The following ANKRD12 variants were observed in gnomAD, a reference collection of about 807,000 sequenced individuals.
ANKRD12 encodes the protein ankyrin repeat domain 12, also known as ankyrin repeat domain-containing protein 12.
A neutral mutation model predicts 183.4 loss-of-function variants in ANKRD12; 85 were observed. The ratio of observed to expected loss-of-function variants is 0.46; its 90% CI spans 0.39 to 0.56. ANKRD12 has a LOEUF of 0.56. ANKRD12 is among the 20% of genes least tolerant of loss of function. The pLI is 0.00. For missense variants in ANKRD12, 2,405 were observed against 2,357.1 expected (o/e 1.02, Z -0.42); for synonymous variants, 914 against 800.2 (o/e 1.14, Z -2.40).
At chr18:9,181,305 C>T (rs2033683088) in intron 1 of ANKRD12, among the ~76,000 whole-genome samples, 1 of 152,086 alleles carries the variant, frequency 6.6e-6, no homozygotes, top group Non-Finnish European at 1.5e-5. Flanking sequence ...TCTATCAAAA[C>T]AAAAGAAATT....
chr18:9,253,569 TTATC>T (rs2038423404), intron 8 of ANKRD12, among the ~76,000 whole-genome samples: 2 of 152,248 alleles, frequency 1.3e-5, no homozygotes, highest in East Asian at 1.9e-4. Context: ...CACATTTTCT[TTATC>T]CATTCATCTG....
chr18:9,185,159 AG>A (rs1282222146), intron 2 of ANKRD12, among the ~76,000 whole-genome samples: 2 of 152,212 alleles, frequency 1.3e-5, no homozygotes, highest in African/African-American at 4.8e-5. Context: ...TGAAGGATGG[AG>A]GATAGGAGGT....
In ANKRD12 at chr18:9,256,620, T is replaced by G. The variant is rs1567977020; in HGVS notation, c.3353T>G (p.Leu1118Arg). 2.5e-6 allele frequency: 4 copies of G among 1,604,478 alleles called. No individual in the cohort carries two copies. Among genetic ancestry groups the G allele is most frequent in the Non-Finnish European group, 3.4e-6 (4 of 1,177,746 alleles). ...TTGAGAAACCGAAACTGTTTAGAAC[T>G]TAAAATAAAAGATAAAGAAAAAACA... ...ERLRNRNCLE[L>R]KIKDKEKTKH... The change falls in exon 9 of 13, where the codon CTT becomes CGT. Residue 1118 changes from leucine (L) to arginine (R), a missense_variant. Physicochemically the swap from Leu to Arg is moderately radical, Grantham distance 102. Transcript: ENST00000262126.
intron 3 of ANKRD12, chr18:9,200,484 ACCTTTT>A (rs1320349798): frequency 6.6e-6 from 1 of 152,174 alleles, no homozygotes; most frequent in African/African-American, 2.4e-5. Flanking sequence ...ACTAATTTTT[ACCTTTT>A]CCTTTTATTC....
At chr18:9,245,222 G>A (rs1485079749) in intron 8 of ANKRD12, among the ~76,000 whole-genome samples, 2 of 151,902 alleles carry the variant, frequency 1.3e-5, no homozygotes, top group Non-Finnish European at 1.5e-5. Context: ...GGCCAAAGCA[G>A]GCAGATTACT....
At chr18:9,175,620 C>G (rs2033202066) in intron 1 of ANKRD12, among the ~76,000 whole-genome samples, 1 of 135,600 alleles carries the variant, frequency 7.4e-6, no homozygotes, top group African/African-American at 2.8e-5. Context: ...TTCTGCCTTG[C>G]TGGTTCAAGC....
chr18:9,236,644 G>A (rs544479265), intron 8 of ANKRD12, among the ~76,000 whole-genome samples: 2 of 86,116 alleles, frequency 2.3e-5, no homozygotes, highest in South Asian at 5.2e-4. Flanking sequence ...TCCAGGAGAC[G>A]TAACAGAACT....
intron 1 of ANKRD12, among the ~76,000 whole-genome samples, chr18:9,160,292 AT>A (rs202119616): frequency 6.6e-6 from 1 of 151,826 alleles, no homozygotes; most frequent in Non-Finnish European, 1.5e-5. Flanking sequence ...TTAAAAAACA[AT>A]TTTTTTAGAG....
intron 6 of ANKRD12, among the ~76,000 whole-genome samples, chr18:9,214,637 C>T (rs1459006042): frequency 1.3e-5 from 2 of 151,918 alleles, no homozygotes; most frequent in Non-Finnish European, 2.9e-5. Context: ...TAGAAGTGCT[C>T]CTAAGAAACA....
At chr18:9,195,462 G>A in intron 2 of ANKRD12, 89 bp from the exon 3 acceptor site, 1 of 913,672 alleles carries the variant, frequency 1.1e-6, no homozygotes, top group Non-Finnish European at 1.5e-6. Flanking sequence ...ATCTCTTTTT[G>A]TGTATGTTTG....
In ANKRD12 at chr18:9,176,955, G is replaced by A. The variant is rs554515426; in HGVS notation, c.-51-5427G>A. 2.1e-4 allele frequency among the ~76,000 whole-genome samples: 32 copies of A among 152,286 alleles called. No individual in the cohort carries two copies. The South Asian group carries it at 5.8e-3, about 28-fold the overall frequency. On this transcript the variant is annotated intron_variant, in intron 1 of 12. Coordinates refer to ENST00000262126, the MANE Select transcript of ANKRD12 (RefSeq NM_015208.5). ...CATTTAGAGAATGTTAATCCTGGAA[G>A]TCAGTTGCTGTTCGATACATAGACT...
At chr18:9,196,460 A>G (rs2034830172) in intron 3 of ANKRD12, among the ~76,000 whole-genome samples, 1 of 152,218 alleles carries the variant, frequency 6.6e-6, no homozygotes, top group Non-Finnish European at 1.5e-5. Context: ...TGAAATATTA[A>G]TAATGAACTG....
chr18:9,254,110 ATGTAT>A, intron 8 of ANKRD12, 96 bp from the exon 9 acceptor site: 1 of 1,234,476 alleles, frequency 8.1e-7, no homozygotes, highest in Non-Finnish European at 1.0e-6. Flanking sequence ...TGTTTGAAAT[ATGTAT>A]TGTATAAGCT....
At chr18:9,167,464 A>G (rs2032198794) in intron 1 of ANKRD12, among the ~76,000 whole-genome samples, 2 of 152,024 alleles carry the variant, frequency 1.3e-5, no homozygotes, top group South Asian at 4.1e-4. Context: ...TAGGTATTTT[A>G]TTCTCTTTGA....
chr18:9,221,067 A>G (rs534835443), intron 7 of ANKRD12, among the ~76,000 whole-genome samples: 3 of 152,184 alleles, frequency 2.0e-5, no homozygotes, highest in Non-Finnish European at 4.4e-5. Flanking sequence ...TCCGTGTTTC[A>G]TTTCTTTAAT....
In ANKRD12 at chr18:9,257,952, C is replaced by T. The variant is rs192098239; in HGVS notation, c.4685C>T (p.Pro1562Leu). Residue 1562 changes from proline (P) to leucine (L), a missense_variant, in exon 9 of 13, where the codon CCA becomes CTA. This residue lies in a region of ANKRD12 where 1,983 missense variants were observed against 1,725.9 expected (regional missense o/e 1.15). Transcript: ENST00000262126. ...GTTCAAAAAACAGATGCCTTTGTCCCAGTGTACTCTGACAGCACTATTCAA... is the reference window on the plus strand; with the variant it reads ...GTTCAAAAAACAGATGCCTTTGTCCTAGTGTACTCTGACAGCACTATTCAA... ...GDVQKTDAFV[P>L]VYSDSTIQEA... 6.2e-7 allele frequency: 1 copy of T among 1,613,950 alleles called. No homozygotes were observed. The highest frequency in any genetic ancestry group is 1.3e-5 in the African/African-American group (1 of 75,042).
chr18:9,267,030 A>T (rs948051900), intron 10 of ANKRD12, among the ~76,000 whole-genome samples: 2 of 151,894 alleles, frequency 1.3e-5, no homozygotes, highest in African/African-American at 4.8e-5. Flanking sequence ...AGGCCATTAC[A>T]TAATGGTAAA....
intron 1 of ANKRD12, among the ~76,000 whole-genome samples, chr18:9,158,720 T>C (rs1259235212): frequency 6.6e-6 from 1 of 152,196 alleles, no homozygotes; most frequent in Non-Finnish European, 1.5e-5. Context: ...CTGTATTCTT[T>C]GGAAGAAAGT....
At chr18:9,190,867 A>G (rs189749014) in intron 2 of ANKRD12, among the ~76,000 whole-genome samples, 20 of 152,326 alleles carry the variant, frequency 1.3e-4, no homozygotes, top group African/African-American at 4.1e-4. Context: ...GGGAAACCAA[A>G]AAATTTGTGT....
Sources: gnomAD v4.1 joint callset for allele counts (sites outside exome capture counted in the v4.1 genomes callset) on GRCh38, gnomAD v4.1.1 for gene constraint, gnomAD v4.1.1 regional missense constraint, MANE v1.5 for transcripts, NCBI Gene and HGNC (gene_info 2026-07-23, HGNC 2026-07-21) for gene names.